The following PCSK5 variants were observed in gnomAD, a reference collection of about 807,000 sequenced individuals.
PCSK5 encodes the protein prohormone convertase 5.
PCSK5 carries 129 observed loss-of-function variants against 233.2 expected under a neutral mutation model. The ratio of observed to expected loss-of-function variants is 0.55; its 90% CI spans 0.48 to 0.64. The LOEUF (loss-of-function observed/expected upper bound fraction) is 0.64, where lower values mean the gene tolerates loss of function less well. Among genes scored for constraint, PCSK5 ranks in the 30% least tolerant of loss-of-function variants. The pLI is 0.00. For synonymous variants in PCSK5, 825 were observed against 879.2 expected (o/e 0.94, Z 1.09); for missense variants, 2,076 against 2,430.1 (o/e 0.85, Z 3.06).
At position 75,983,245 on chromosome 9, in the gene PCSK5, A is replaced by T. The variant is rs561621689; in HGVS notation, c.298-2887A>T. Among the ~76,000 whole-genome samples the T allele has an allele frequency of 3.9e-5, 6 of 152,276 alleles. No homozygotes were observed. The South Asian group carries it at 1.2e-3, about 32-fold the overall frequency. ...AAAGCAACAGCATAATTTGTTTCCCATTTATATTTATGTAATAACTTACAT... is the reference window on the plus strand; with the variant it reads ...AAAGCAACAGCATAATTTGTTTCCCTTTTATATTTATGTAATAACTTACAT... On this transcript the variant is annotated intron_variant, in intron 2 of 37. Coordinates refer to ENST00000674117, the MANE Select transcript of PCSK5 (RefSeq NM_001372043.1).
chr9:76,164,397 A>G (rs1241002075), intron 12 of PCSK5, among the ~76,000 whole-genome samples: 1 of 152,208 alleles, frequency 6.6e-6, no homozygotes, highest in Non-Finnish European at 1.5e-5. Flanking sequence ...AATAGTATAT[A>G]CCTCACAGGG....
intron 24 of PCSK5, among the ~76,000 whole-genome samples, chr9:76,269,066 G>A (rs1185255649): frequency 2.0e-5 from 3 of 152,142 alleles, no homozygotes; most frequent in Non-Finnish European, 2.9e-5. Flanking sequence ...GGCCAGCTGG[G>A]GACTGAGGCC....
chr9:76,015,013 G>C (rs985301405), intron 3 of PCSK5, among the ~76,000 whole-genome samples: 2 of 152,168 alleles, frequency 1.3e-5, no homozygotes, highest in South Asian at 2.1e-4. Flanking sequence ...TGGTTCATGT[G>C]ATAATGGGGG....
intron 2 of PCSK5, among the ~76,000 whole-genome samples, chr9:75,973,240 C>T (rs1465726820): frequency 6.6e-6 from 1 of 152,138 alleles, no homozygotes; most frequent in Admixed American, 6.5e-5. Context: ...AGTCAGAGTA[C>T]CTGAAAAACA....
intron 20 of PCSK5, among the ~76,000 whole-genome samples, chr9:76,203,371 T>C (rs1052429797): frequency 2.0e-5 from 3 of 152,008 alleles, no homozygotes; most frequent in Non-Finnish European, 4.4e-5. Context: ...CAAGGGACTT[T>C]GCAGGAGAAA....
intron 1 of PCSK5, among the ~76,000 whole-genome samples, chr9:75,914,243 G>A (rs1283963652): frequency 6.6e-6 from 1 of 152,162 alleles, no homozygotes; most frequent in Non-Finnish European, 1.5e-5. Context: ...AGATGTGAGA[G>A]TATGACGAAG....
intron 3 of PCSK5, among the ~76,000 whole-genome samples, chr9:75,991,514 T>C (rs1183203751): frequency 6.6e-6 from 1 of 152,212 alleles, no homozygotes; most frequent in Non-Finnish European, 1.5e-5. Context: ...TCTTATACCT[T>C]CCTCTTGCTG....
intron 1 of PCSK5, among the ~76,000 whole-genome samples, chr9:75,911,936 A>G (rs1237562770): frequency 2.6e-5 from 4 of 152,202 alleles, no homozygotes; most frequent in African/African-American, 9.7e-5. Flanking sequence ...GTAGAGATAT[A>G]TATTTCATCT....
At position 75,922,709 on chromosome 9, in the gene PCSK5, T is replaced by C. The variant is rs59299059; in HGVS notation, c.193-9670T>C. On this transcript the variant is annotated intron_variant, in intron 1 of 37. Transcript: ENST00000674117. ...TCCAGTGGGGAAGGGCAGATTAAAA[T>C]CTTATGAAGATGTTTTCCAACTCTG... 7.2e-5 allele frequency among the ~76,000 whole-genome samples: 11 copies of C among 152,300 alleles called. No homozygotes were observed. In the East Asian group the frequency reaches 2.1e-3, roughly 29 times the overall value.
intron 24 of PCSK5, among the ~76,000 whole-genome samples, chr9:76,252,491 C>T (rs1826842890): frequency 6.6e-6 from 1 of 152,116 alleles, no homozygotes; most frequent in Admixed American, 6.5e-5. Flanking sequence ...GCCTTCAAGG[C>T]CTACATCTGG....
In PCSK5 at chr9:76,023,820, T is replaced by C; in HGVS notation, c.494T>C (p.Ile165Thr). 4.3e-6 allele frequency: 7 copies of C among 1,613,538 alleles called. No homozygotes were observed. Among genetic ancestry groups the C allele is most frequent in the Middle Eastern group, 1.7e-4 (1 of 6,060 alleles). ...AAGAGAGGCTACACGGGAAAGAACA[T>C]TGTGGTCACTATCCTGGATGACGGA... is the stretch of plus-strand genomic sequence containing the variant. ...AWKRGYTGKN[I>T]VVTILDDGIE... Residue 165 changes from isoleucine to threonine, a missense_variant, in exon 4 of 38, where the codon ATT (isoleucine) becomes ACT (threonine). Coordinates refer to ENST00000674117, the MANE Select transcript of PCSK5 (RefSeq NM_001372043.1).
At chr9:76,285,911 A>G (rs866583465) in intron 24 of PCSK5, among the ~76,000 whole-genome samples, 65 of 152,334 alleles carry the variant, frequency 4.3e-4, no homozygotes, top group African/African-American at 1.5e-3. Flanking sequence ...TTTTTTAGAT[A>G]GTGAACTATT....
At chr9:75,924,289 A>C (rs187589993) in intron 1 of PCSK5, among the ~76,000 whole-genome samples, 60 of 152,286 alleles carry the variant, frequency 3.9e-4, no homozygotes, top group Admixed American at 7.2e-4. Flanking sequence ...CTCAAAGCTG[A>C]GTCTGAACCT....
At chr9:76,247,146 G>T (rs994730120) in intron 24 of PCSK5, among the ~76,000 whole-genome samples, 1 of 152,222 alleles carries the variant, frequency 6.6e-6, no homozygotes, top group South Asian at 2.1e-4. Flanking sequence ...GTGGCAATGG[G>T]CACCTCGCTG....
intron 20 of PCSK5, among the ~76,000 whole-genome samples, chr9:76,197,715 T>C (rs1824758362): frequency 6.6e-6 from 1 of 152,172 alleles, no homozygotes; most frequent in Admixed American, 6.5e-5. Flanking sequence ...CCCCTCCTTC[T>C]GTCCCCAACC....
intron 5 of PCSK5, among the ~76,000 whole-genome samples, chr9:76,027,692 C>T (rs2131497561): frequency 6.6e-6 from 1 of 152,050 alleles, no homozygotes; most frequent in South Asian, 2.1e-4. Context: ...TAACATTCCT[C>T]AGGCAAGTAA....
intron 4 of PCSK5, among the ~76,000 whole-genome samples, chr9:76,025,901 AAC>A (rs1828402981): frequency 6.6e-6 from 1 of 152,176 alleles, no homozygotes; most frequent in Non-Finnish European, 1.5e-5. Flanking sequence ...AAATAGCTCT[AAC>A]TGAATTTTTA....
chr9:75,952,599 A>G (rs145847027), intron 2 of PCSK5, among the ~76,000 whole-genome samples: 3 of 152,186 alleles, frequency 2.0e-5, no homozygotes, highest in African/African-American at 7.2e-5. Flanking sequence ...AAAAATTCTC[A>G]TGGGTCCCTT....
chr9:75,936,644 T>C (rs917509121), intron 2 of PCSK5, among the ~76,000 whole-genome samples: 5 of 152,204 alleles, frequency 3.3e-5, no homozygotes, highest in Non-Finnish European at 5.9e-5. Context: ...GGTGTTTCTA[T>C]CACATATCAC....
Sources: gnomAD v4.1 joint callset for allele counts (sites outside exome capture counted in the v4.1 genomes callset) on GRCh38, gnomAD v4.1.1 for gene constraint, MANE v1.5 for transcripts, NCBI Gene and HGNC (gene_info 2026-07-23, HGNC 2026-07-21) for gene names.